MED13L: variants seen among roughly 807,000 people sequenced by gnomAD.
The protein encoded by MED13L is mediator complex subunit 13L.
Under a neutral mutation model 220.9 loss-of-function variants are expected in MED13L, and 7 were observed. That is an observed-to-expected ratio of 0.03 (90% CI 0.02 to 0.06). The LOEUF (loss-of-function observed/expected upper bound fraction) is 0.06. Ranked by LOEUF, MED13L falls within the 10% of genes least tolerant of loss-of-function variation. The probability of loss-of-function intolerance (pLI) is 1.00; values close to 1 mark genes in which losing one functional copy is unlikely to be tolerated. For synonymous variants in MED13L, 1,011 were observed against 1,015.2 expected (o/e 1.00, Z 0.08); for missense variants, 1,965 against 2,760.5 (o/e 0.71, Z 6.46).
rs1242802891 is a variant in MED13L at position 116,124,148 on chromosome 12, GAGAC to G, written c.311-12640_311-12637del. 1.5e-3 allele frequency among the ~76,000 whole-genome samples: 142 copies of G among 93,864 alleles called. 1 individual carries two copies. In the Middle Eastern group the frequency reaches 0.015, roughly 10 times the overall value. 61.6% of individuals were successfully genotyped at this position (93,864 alleles called of 152,430 possible). On this transcript the variant is annotated intron_variant, in intron 2 of 30. Transcript: ENST00000281928. ...CGAGAGAGAGAGAGAGAGAGAGAGA[GAGAC>G]AGAGACAGAGAGAGACAGAGAGAGA...
intron 1 of MED13L, among the ~76,000 whole-genome samples, chr12:116,257,805 C>A (rs1226693900): frequency 6.6e-6 from 1 of 151,904 alleles, no homozygotes. Flanking sequence ...GTTTTTTAAC[C>A]TTGCCCCAGT....
intron 4 of MED13L, among the ~76,000 whole-genome samples, chr12:116,095,340 T>C (rs577290880): frequency 6.6e-6 from 1 of 152,336 alleles, no homozygotes; most frequent in South Asian, 2.1e-4. Flanking sequence ...GGATTTTGAA[T>C]GTACTGAAAA....
intron 2 of MED13L, among the ~76,000 whole-genome samples, chr12:116,122,013 G>A (rs1449944232): frequency 6.6e-6 from 1 of 152,064 alleles, no homozygotes; most frequent in Non-Finnish European, 1.5e-5. Context: ...GCTAAAGATA[G>A]CATAGCTCTG....
At chr12:116,107,209 ATTAAAGC>A (rs1873664417) in intron 3 of MED13L, among the ~76,000 whole-genome samples, 1 of 152,224 alleles carries the variant, frequency 6.6e-6, no homozygotes. Flanking sequence ...GAGACATAAA[ATTAAAGC>A]TAACTATGTT....
chr12:116,104,446 G>T (rs181486202), intron 3 of MED13L, among the ~76,000 whole-genome samples: 1 of 152,220 alleles, frequency 6.6e-6, no homozygotes, highest in Non-Finnish European at 1.5e-5. Flanking sequence ...TATTTTCACT[G>T]TATATTCCAA....
chr12:115,968,053 TCC>T (rs57877420), intron 28 of MED13L, among the ~76,000 whole-genome samples: 10,750 of 40,672 alleles, frequency 0.26, 1,232 homozygotes, highest in African/African-American at 0.37. Flanking sequence ...GGAATAAAAG[TCC>T]CCCCCCCCCC....
intron 30 of MED13L, 135 bp from the exon 31 acceptor site, chr12:115,961,533 T>A: frequency 8.3e-7 from 1 of 1,207,190 alleles, no homozygotes; most frequent in Non-Finnish European, 1.2e-6. Flanking sequence ...GCTCTTTCCC[T>A]CATCCTTTGT....
At chr12:116,255,340 C>T (rs1020916513) in intron 1 of MED13L, among the ~76,000 whole-genome samples, 7 of 152,200 alleles carry the variant, frequency 4.6e-5, no homozygotes, top group Admixed American at 6.5e-5. Flanking sequence ...AAAACCAGAA[C>T]TTCAATCCTC....
chr12:116,131,367 C>A (rs1050207492), intron 2 of MED13L, among the ~76,000 whole-genome samples: 1 of 152,200 alleles, frequency 6.6e-6, no homozygotes. Context: ...GCAAACTGTT[C>A]ACCAGGTTGC....
At chr12:116,068,766 T>G (rs1266168941) in intron 4 of MED13L, among the ~76,000 whole-genome samples, 1 of 151,714 alleles carries the variant, frequency 6.6e-6, no homozygotes, top group Non-Finnish European at 1.5e-5. Flanking sequence ...TCCCTGAAAT[T>G]GTTAAGATTC....
chr12:116,045,349 C>T (rs1881769929), intron 4 of MED13L, among the ~76,000 whole-genome samples: 1 of 152,130 alleles, frequency 6.6e-6, no homozygotes, highest in Non-Finnish European at 1.5e-5. Flanking sequence ...TCAGCACATC[C>T]ACAAACTGCC....
chr12:116,067,389 T>C (rs899040547), intron 4 of MED13L, among the ~76,000 whole-genome samples: 1 of 152,152 alleles, frequency 6.6e-6, no homozygotes, highest in African/African-American at 2.4e-5. Flanking sequence ...ACAAGAGACC[T>C]AGAGACTCTA....
chr12:116,230,725 A>G (rs1869478399), intron 2 of MED13L, among the ~76,000 whole-genome samples: 1 of 152,186 alleles, frequency 6.6e-6, no homozygotes, highest in Non-Finnish European at 1.5e-5. Context: ...ATTCCTGTCA[A>G]TTTATATATA....
intron 2 of MED13L, among the ~76,000 whole-genome samples, chr12:116,113,212 T>C (rs1304136907): frequency 2.0e-5 from 3 of 152,206 alleles, no homozygotes; most frequent in South Asian, 2.1e-4. Flanking sequence ...TCATCCTCTG[T>C]GCCATAAAGA....
intron 4 of MED13L, among the ~76,000 whole-genome samples, chr12:116,057,683 C>G (rs1376802864): frequency 6.6e-6 from 1 of 151,532 alleles, no homozygotes; most frequent in East Asian, 1.9e-4. Context: ...AGATAGACAG[C>G]CCTAAAGTCT....
rs1350699371 is a variant in MED13L at position 116,178,742 on chromosome 12, T to C, written c.310+58726A>G. ...ACAGTGTCTTAATCAACTTAAGCAG[T>C]ATCCAGCAAATATTGGGAATTACAA... On this transcript the variant is annotated intron_variant, in intron 2 of 30. Coordinates refer to ENST00000281928, the MANE Select transcript of MED13L (RefSeq NM_015335.5). Among the ~76,000 whole-genome samples the C allele has an allele frequency of 2.6e-5, 4 of 152,228 alleles. No homozygotes were observed. The East Asian group carries it at 7.7e-4, about 29-fold the overall frequency.
chr12:116,140,670 G>A (rs1208427552), intron 2 of MED13L, among the ~76,000 whole-genome samples: 2 of 152,120 alleles, frequency 1.3e-5, no homozygotes, highest in Admixed American at 6.5e-5. Flanking sequence ...ACAAAAACTG[G>A]TTTGAAAACA....
At chr12:116,056,661 T>C (rs982567563) in intron 4 of MED13L, among the ~76,000 whole-genome samples, 2 of 152,220 alleles carry the variant, frequency 1.3e-5, no homozygotes, top group Non-Finnish European at 2.9e-5. Flanking sequence ...CCTTCACTTG[T>C]TTTCTCTTAA....
intron 1 of MED13L, among the ~76,000 whole-genome samples, chr12:116,268,714 T>G (rs1873023532): frequency 6.6e-6 from 1 of 152,228 alleles, no homozygotes; most frequent in Admixed American, 6.5e-5. Flanking sequence ...TTATTCAGTT[T>G]AATATCCTTT....
Sources: allele counts gnomAD v4.1 joint callset (sites outside exome capture counted in the v4.1 genomes callset), GRCh38; gene constraint gnomAD v4.1.1; transcripts MANE v1.5; gene names NCBI Gene and HGNC (gene_info 2026-07-23, HGNC 2026-07-21).